Variants in CACNA2D3 observed in about 807,000 individuals in gnomAD.
CACNA2D3 encodes calcium voltage-gated channel auxiliary subunit alpha2delta 3.
In CACNA2D3, 60 loss-of-function variants were observed where a neutral mutation model predicts 160.6. That is an observed-to-expected ratio of 0.37 (90% CI 0.30 to 0.46). CACNA2D3 has a LOEUF of 0.46. CACNA2D3 is among the 20% of genes least tolerant of loss of function. The pLI, the probability that CACNA2D3 is intolerant of heterozygous loss-of-function variation, is 1.00. For synonymous variants in CACNA2D3, 558 were observed against 492.9 expected (o/e 1.13, Z -1.75); for missense variants, 1,205 against 1,365.0 (o/e 0.88, Z 1.85).
chr3:54,526,558 T>A (rs1701726160), intron 5 of CACNA2D3, among the ~76,000 whole-genome samples: 1 of 152,190 alleles, frequency 6.6e-6, no homozygotes, highest in South Asian at 2.1e-4. Context: ...CTGCCCCTCT[T>A]CCCAATATGA....
At chr3:55,013,826 A>T (rs571791657) in intron 34 of CACNA2D3, among the ~76,000 whole-genome samples, 12 of 152,332 alleles carry the variant, frequency 7.9e-5, no homozygotes, top group African/African-American at 2.9e-4. Flanking sequence ...TCAAATGGCA[A>T]ATCTATTCAA....
intron 31 of CACNA2D3, among the ~76,000 whole-genome samples, chr3:54,998,651 G>A (rs1254811582): frequency 1.3e-5 from 2 of 151,984 alleles, no homozygotes; most frequent in African/African-American, 4.8e-5. Context: ...AACCCTGGGA[G>A]GTCCTGATAG....
chr3:54,296,089 T>C (rs1703336523), intron 2 of CACNA2D3, among the ~76,000 whole-genome samples: 1 of 152,136 alleles, frequency 6.6e-6, no homozygotes, highest in African/African-American at 2.4e-5. Context: ...GGGGATGAAC[T>C]TTAGGGTGCA....
At chr3:54,922,246 A>G (rs1196893129) in intron 27 of CACNA2D3, among the ~76,000 whole-genome samples, 1 of 151,578 alleles carries the variant, frequency 6.6e-6, no homozygotes, top group East Asian at 1.9e-4. Flanking sequence ...CCCAAAGACC[A>G]CCAGCAAGTT....
chr3:54,763,804 T>C lies in CACNA2D3; in HGVS notation c.1247-414T>C, dbSNP rs1347956750. On this transcript the variant is annotated intron_variant, in intron 12 of 37. Coordinates refer to ENST00000474759, the MANE Select transcript of CACNA2D3 (RefSeq NM_018398.3). ...ACATATATATGTATATATATGTACA[T>C]ATATATACATATATATATACGTATA... is the stretch of plus-strand genomic sequence containing the variant. Among the ~76,000 whole-genome samples, 22 of 15,070 alleles carry C rather than the reference T, an allele frequency of 1.5e-3. 5 individuals are homozygous for C. The highest frequency in any genetic ancestry group is 2.8e-3 in the Non-Finnish European group (18 of 6,338). The allele number at this position is 15,070 out of a possible 152,430, so 9.9% of individuals were successfully genotyped here.
At chr3:54,321,581 G>A (rs1468840974) in intron 3 of CACNA2D3, among the ~76,000 whole-genome samples, 1 of 152,164 alleles carries the variant, frequency 6.6e-6, no homozygotes, top group Non-Finnish European at 1.5e-5. Context: ...TATTATCCTT[G>A]TAACACCTCC....
At chr3:54,584,709 A>C (rs1702731426) in intron 9 of CACNA2D3, among the ~76,000 whole-genome samples, 1 of 152,204 alleles carries the variant, frequency 6.6e-6, no homozygotes, top group Non-Finnish European at 1.5e-5. Context: ...GAATAAACCT[A>C]TGTAAATCCA....
At chr3:55,059,168 A>G (rs773739568) in intron 35 of CACNA2D3, among the ~76,000 whole-genome samples, 2 of 152,224 alleles carry the variant, frequency 1.3e-5, no homozygotes, top group Non-Finnish European at 2.9e-5. Flanking sequence ...AGGCTTCCTG[A>G]TGATTCATTC....
intron 11 of CACNA2D3, among the ~76,000 whole-genome samples, chr3:54,681,488 G>A (rs1027760819): frequency 2.7e-5 from 4 of 150,246 alleles, no homozygotes; most frequent in South Asian, 2.1e-4. Context: ...CCCAGGAGGC[G>A]GAGGTTGTAG....
intron 27 of CACNA2D3, chr3:54,901,141 G>T (rs937957040): frequency 1.3e-5 from 2 of 152,212 alleles, no homozygotes; most frequent in Non-Finnish European, 2.9e-5. Flanking sequence ...ATGCTTAAAG[G>T]AGGTCAGGCT....
chr3:54,437,646 G>T (rs1229112650), intron 4 of CACNA2D3, among the ~76,000 whole-genome samples: 2 of 152,234 alleles, frequency 1.3e-5, no homozygotes, highest in African/African-American at 4.8e-5. Context: ...TTTTCATAAT[G>T]TCCAAGGAGC....
intron 12 of CACNA2D3, among the ~76,000 whole-genome samples, chr3:54,761,076 C>G (rs1702071780): frequency 6.6e-6 from 1 of 152,182 alleles, no homozygotes; most frequent in Non-Finnish European, 1.5e-5. Flanking sequence ...CCAACTCCCT[C>G]TCTATCCTAA....
At chr3:54,841,163 G>C (rs1346379869) in intron 16 of CACNA2D3, among the ~76,000 whole-genome samples, 1 of 152,148 alleles carries the variant, frequency 6.6e-6, no homozygotes, top group South Asian at 2.1e-4. Context: ...CTATGTGGTT[G>C]GTGTCATCCA....
chr3:54,168,232 T>G (rs1700495651), intron 2 of CACNA2D3, among the ~76,000 whole-genome samples: 1 of 152,208 alleles, frequency 6.6e-6, no homozygotes, highest in Non-Finnish European at 1.5e-5. Flanking sequence ...CTGTACAGAA[T>G]CTGGGACACT....
chr3:54,272,986 C>T (rs994057154), intron 2 of CACNA2D3: 1 of 152,318 alleles, frequency 6.6e-6, no homozygotes, highest in African/African-American at 2.4e-5. Flanking sequence ...CCTTGGACCC[C>T]CTTGTTCTGA....
rs1417063441 is a variant in CACNA2D3, at chr3:54,809,307, C to CTTTTTTT, written c.1381-7543_1381-7542insTTTTTTT. Among the ~76,000 whole-genome samples, 441 of 86,110 alleles carry CTTTTTTT rather than the reference C, an allele frequency of 5.1e-3. 6 individuals are homozygous for CTTTTTTT. The highest frequency in any genetic ancestry group is 6.4e-3 in the Non-Finnish European group (313 of 49,216). 56.5% of individuals were successfully genotyped at this position (86,110 alleles called of 152,430 possible). On this transcript the variant is annotated intron_variant, in intron 13 of 37. Transcript: ENST00000474759. ...TCTCTCTTTCTTTCCTTCCTTCCTTCTTTCTTTTTTTTTTTTTTTTTTGAG... is the reference window on the plus strand; with the variant it reads ...TCTCTCTTTCTTTCCTTCCTTCCTTCTTTTTTTTTTCTTTTTTTTTTTTTTTTTTGAG...
At chr3:54,642,312 A>G (rs1271162008) in intron 11 of CACNA2D3, 71 bp downstream of exon 11, 12 of 839,374 alleles carry the variant, frequency 1.4e-5, no homozygotes, top group Non-Finnish European at 2.0e-5. Context: ...CAGCTTGTCC[A>G]TGAGTAAGTG....
intron 5 of CACNA2D3, among the ~76,000 whole-genome samples, chr3:54,554,029 A>G (rs887507606): frequency 3.3e-5 from 5 of 152,164 alleles, no homozygotes; most frequent in Admixed American, 6.6e-5. Flanking sequence ...AGCCTCATCT[A>G]GTACCTCTCG....
intron 9 of CACNA2D3, among the ~76,000 whole-genome samples, chr3:54,612,286 G>T (rs981801249): frequency 1.3e-5 from 2 of 152,186 alleles, no homozygotes; most frequent in African/African-American, 4.8e-5. Flanking sequence ...GCCGGTTTCA[G>T]GGCCTTCTCC....
Sources: allele counts gnomAD v4.1 joint callset (sites outside exome capture counted in the v4.1 genomes callset), GRCh38; gene constraint gnomAD v4.1.1; transcripts MANE v1.5; gene names NCBI Gene and HGNC (gene_info 2026-07-23, HGNC 2026-07-21).